The following OSBPL10 variants were observed in gnomAD, a reference collection of about 807,000 sequenced individuals.
OSBPL10 encodes oxysterol-binding protein-related protein 10.
Under a neutral mutation model 81.7 loss-of-function variants are expected in OSBPL10, and 49 were observed. That is an observed-to-expected ratio of 0.60 (90% CI 0.48 to 0.76). The LOEUF (loss-of-function observed/expected upper bound fraction) is 0.76, where lower values mean the gene tolerates loss of function less well. Among genes scored for constraint, OSBPL10 ranks in the 30% least tolerant of loss-of-function variants. The pLI is 0.00. For missense variants in OSBPL10, 923 were observed against 987.8 expected, an observed-to-expected ratio of 0.93 and a Z score of 0.88; for synonymous variants, 419 against 383.6, an observed-to-expected ratio of 1.09 and a Z score of -1.08.
chr3:31,917,470 T>A (rs184161400), intron 1 of OSBPL10, among the ~76,000 whole-genome samples: 1 of 152,020 alleles, frequency 6.6e-6, no homozygotes, highest in Admixed American at 6.6e-5. Context: ...AAGTGCAACC[T>A]ATGCAAATAG....
At chr3:31,774,115 T>C (rs1454517301) in intron 4 of OSBPL10, among the ~76,000 whole-genome samples, 1 of 149,580 alleles carries the variant, frequency 6.7e-6, no homozygotes, top group African/African-American at 2.5e-5. Flanking sequence ...TGAGCCGAGA[T>C]TGCACCACTT....
intron 2 of OSBPL10, among the ~76,000 whole-genome samples, chr3:32,008,393 T>C (rs1699224287): frequency 1.3e-5 from 2 of 151,764 alleles, no homozygotes; most frequent in Admixed American, 1.3e-4. Context: ...CATCAAGTGA[T>C]GCACCCGCCT....
At chr3:32,041,383 T>C (rs1465263444) in intron 2 of OSBPL10, among the ~76,000 whole-genome samples, 1 of 152,186 alleles carries the variant, frequency 6.6e-6, no homozygotes, top group African/African-American at 2.4e-5. Flanking sequence ...AGTCTACATT[T>C]CCAACCCCAC....
chr3:31,935,286 TTA>T (rs1270113274), intron 1 of OSBPL10, among the ~76,000 whole-genome samples: 19 of 152,116 alleles, frequency 1.2e-4, no homozygotes, highest in African/African-American at 4.3e-4. Context: ...GAGAGACCAT[TTA>T]TCTTAGAAAT....
In OSBPL10 at chr3:32,058,186, C is replaced by T. The variant is rs539683526; in HGVS notation, n.186-11583G>A. Among the ~76,000 whole-genome samples, 6 of 152,144 alleles carry T rather than the reference C, an allele frequency of 3.9e-5. No individual in the cohort carries two copies. In the South Asian group the frequency reaches 1.2e-3, roughly 32 times the overall value. On this transcript the variant is annotated intron_variant and non_coding_transcript_variant, in intron 1 of 3. Transcript: ENST00000479173. ...TGCAGACATGTTTAGGGATGAGATG[C>T]CCTAATGTCTGCAACTTCAAAATGC...
chr3:32,059,573 A>G (rs1360025891), intron 1 of OSBPL10, among the ~76,000 whole-genome samples: 1 of 152,042 alleles, frequency 6.6e-6, no homozygotes, highest in East Asian at 1.9e-4. Flanking sequence ...CCTGGGTGAC[A>G]GAGCAAGACT....
chr3:31,800,198 G>A (rs990508666), intron 4 of OSBPL10, among the ~76,000 whole-genome samples: 5 of 152,118 alleles, frequency 3.3e-5, no homozygotes, highest in Non-Finnish European at 7.4e-5. Flanking sequence ...AGCCACAGAT[G>A]TTTCTAAAAT....
intron 6 of OSBPL10, among the ~76,000 whole-genome samples, chr3:31,706,162 T>C: frequency 6.6e-6 from 1 of 152,154 alleles, no homozygotes. Flanking sequence ...GGGAGAACGA[T>C]AAGCGAAAAA....
intron 3 of OSBPL10, among the ~76,000 whole-genome samples, chr3:31,838,091 G>A (rs1211794070): frequency 6.6e-6 from 1 of 152,092 alleles, no homozygotes; most frequent in African/African-American, 2.4e-5. Context: ...TGAGCAAAAG[G>A]GAAGAACTCA....
At chr3:31,779,078 TAAAAC>T (rs1227136692) in intron 4 of OSBPL10, among the ~76,000 whole-genome samples, 1 of 151,890 alleles carries the variant, frequency 6.6e-6, no homozygotes, top group Non-Finnish European at 1.5e-5. Context: ...TTCTACCTCT[TAAAAC>T]AAAACCTCAA....
At chr3:31,746,256 T>C (rs549101469) in intron 5 of OSBPL10, among the ~76,000 whole-genome samples, 1 of 152,214 alleles carries the variant, frequency 6.6e-6, no homozygotes, top group South Asian at 2.1e-4. Context: ...GGGACAGGCA[T>C]GAGGATGTTT....
At chr3:31,967,277 T>C (rs1262877915) in intron 1 of OSBPL10, among the ~76,000 whole-genome samples, 1 of 152,156 alleles carries the variant, frequency 6.6e-6, no homozygotes, top group Non-Finnish European at 1.5e-5. Flanking sequence ...TTGTAGAGTC[T>C]CACCGTTGCA....
chr3:31,755,930 C>G (rs1575524104), intron 4 of OSBPL10, among the ~76,000 whole-genome samples: 2 of 152,310 alleles, frequency 1.3e-5, no homozygotes, highest in Admixed American at 1.3e-4. Context: ...TCACCTTTGG[C>G]TTTTCTACAA....
intron 2 of OSBPL10, among the ~76,000 whole-genome samples, chr3:32,005,781 G>T (rs910422547): frequency 5.3e-5 from 8 of 151,932 alleles, no homozygotes; most frequent in South Asian, 2.1e-4. Context: ...TAGAGATGGG[G>T]TTTCACCGTG....
intron 3 of OSBPL10, among the ~76,000 whole-genome samples, chr3:31,857,146 C>T (rs1317243959): frequency 6.6e-6 from 1 of 152,170 alleles, no homozygotes; most frequent in East Asian, 1.9e-4. Flanking sequence ...AGAAGCTCTG[C>T]TTACAGAACC....
At position 31,792,476 on chromosome 3, in the gene OSBPL10, G is replaced by A. The variant is rs1406067785; in HGVS notation, c.729+37564C>T. The stretch of plus-strand genomic sequence containing the variant: ...CTCTCAACATTGGCGACAATTAAAA[G>A]GCTCCTAGTTACCTAAAAATGACAA... On this transcript the variant is annotated intron_variant, in intron 4 of 11. Coordinates refer to ENST00000396556, the MANE Select transcript of OSBPL10 (RefSeq NM_017784.5). Among the ~76,000 whole-genome samples the A allele has an allele frequency of 2.0e-5, 3 of 152,284 alleles. No individual in the cohort carries two copies. The East Asian group carries it at 5.8e-4, about 29-fold the overall frequency.
intron 4 of OSBPL10, among the ~76,000 whole-genome samples, chr3:31,804,862 T>A (rs1482720802): frequency 1.3e-5 from 2 of 150,602 alleles, no homozygotes; most frequent in African/African-American, 5.0e-5. Flanking sequence ...TGGTTTGCAA[T>A]TTTTTTTTAG....
intron 2 of OSBPL10, among the ~76,000 whole-genome samples, chr3:31,997,109 G>C (rs1699096982): frequency 6.6e-6 from 1 of 152,224 alleles, no homozygotes; most frequent in Middle Eastern, 3.4e-3. Context: ...AAATTTACTA[G>C]CACACATTAT....
intron 4 of OSBPL10, among the ~76,000 whole-genome samples, chr3:31,810,177 G>A (rs1333681719): frequency 1.3e-5 from 2 of 151,870 alleles, no homozygotes; most frequent in Non-Finnish European, 2.9e-5. Flanking sequence ...CGCCCCCTCT[G>A]ACTCTTTATA....
Sources: gnomAD v4.1 joint callset for allele counts (sites outside exome capture counted in the v4.1 genomes callset) on GRCh38, gnomAD v4.1.1 for gene constraint, MANE v1.5 for transcripts, NCBI Gene and HGNC (gene_info 2026-07-23, HGNC 2026-07-21) for gene names.